Variants in SPATS2 observed in about 807,000 individuals in gnomAD.
The protein encoded by SPATS2 is spermatogenesis-associated serine-rich protein 2.
Under a neutral mutation model 63.7 loss-of-function variants are expected in SPATS2, and 38 were observed. That is an observed-to-expected ratio of 0.60 (90% CI 0.46 to 0.78). The LOEUF (loss-of-function observed/expected upper bound fraction) is 0.78. Ranked by LOEUF, SPATS2 falls within the 30% of genes least tolerant of loss-of-function variation. The pLI, the probability that SPATS2 is intolerant of heterozygous loss-of-function variation, is 0.00. For synonymous variants in SPATS2, 207 were observed against 232.9 expected, an observed-to-expected ratio of 0.89 and a Z score of 1.01; for missense variants, 588 against 666.2, an observed-to-expected ratio of 0.88 and a Z score of 1.29.
chr12:49,470,575 A>G (rs1946017616), intron 3 of SPATS2, among the ~76,000 whole-genome samples: 1 of 152,208 alleles, frequency 6.6e-6, no homozygotes, highest in African/African-American at 2.4e-5. Flanking sequence ...ATAACTTAGG[A>G]GCAGTTCACC....
chr12:49,461,609 A>G (rs1199447149), intron 3 of SPATS2, among the ~76,000 whole-genome samples: 2 of 152,234 alleles, frequency 1.3e-5, no homozygotes, highest in Non-Finnish European at 2.9e-5. Context: ...ACTATTGTAC[A>G]TAATTGGAAT....
At chr12:49,423,833 T>C (rs1945025568) in intron 2 of SPATS2, among the ~76,000 whole-genome samples, 1 of 152,168 alleles carries the variant, frequency 6.6e-6, no homozygotes, top group South Asian at 2.1e-4. Flanking sequence ...AGGGAAGGCA[T>C]TTTAAATATT....
At chr12:49,510,138 C>T (rs1946726403) in intron 9 of SPATS2, among the ~76,000 whole-genome samples, 1 of 151,012 alleles carries the variant, frequency 6.6e-6, no homozygotes, top group Non-Finnish European at 1.5e-5. Context: ...GTAGCACACA[C>T]CTTTAATCCT....
chr12:49,459,493 C>A (rs1340928288), intron 2 of SPATS2, among the ~76,000 whole-genome samples: 2 of 151,942 alleles, frequency 1.3e-5, no homozygotes, highest in African/African-American at 2.4e-5. Flanking sequence ...AGATTACAGG[C>A]ATGCACCACT....
intron 2 of SPATS2, among the ~76,000 whole-genome samples, chr12:49,375,141 A>AGTGTGTGT (rs10601423): frequency 2.5e-4 from 31 of 123,376 alleles, no homozygotes; most frequent in East Asian, 2.0e-3. Context: ...CAAGTTGTGG[A>AGTGTGTGT]GTGTGTGTGT....
At chr12:49,461,929 C>T (rs775146728) in intron 3 of SPATS2, among the ~76,000 whole-genome samples, 3 of 151,992 alleles carry the variant, frequency 2.0e-5, no homozygotes, top group Non-Finnish European at 2.9e-5. Context: ...AATTTACCAA[C>T]GGAAAAGTTT....
Position 49,490,746 on chromosome 12 carries a change from AT to A in SPATS2, c.264+18del. ...GCAAGAAAAAGGTAAAATGAATTAC[AT>A]TTAAAAGCATGATGATGTGTATATT... is the stretch of plus-strand genomic sequence containing the variant. On this transcript the variant is annotated intron_variant, in intron 6 of 13. Coordinates refer to ENST00000552918, the MANE Select transcript of SPATS2 (RefSeq NM_023071.4). 6.2e-7 allele frequency: 1 copy of A among 1,611,772 alleles called. No homozygotes were observed. Among genetic ancestry groups the A allele is most frequent in the Non-Finnish European group, 8.5e-7 (1 of 1,178,360 alleles).
In SPATS2 at chr12:49,526,180, T is replaced by A; in HGVS notation, c.1563T>A (p.Pro521=). 2 of 1,614,048 alleles carry A rather than the reference T, an allele frequency of 1.2e-6. No homozygotes were observed. Among genetic ancestry groups the A allele is most frequent in the Non-Finnish European group, 1.7e-6 (2 of 1,179,992 alleles). ...NGTGVSMEPS[P]PTPSFKKGLP... ...CTGGAGTCAGCATGGAGCCCAGCCC[T>A]CCCACGCCTTCATTCAAAAAGGGGC... Residue 521 remains proline, a synonymous_variant, in exon 14 of 14, where the codon CCT becomes CCA. Coordinates refer to ENST00000552918, the MANE Select transcript of SPATS2 (RefSeq NM_023071.4).
intron 3 of SPATS2, among the ~76,000 whole-genome samples, chr12:49,466,868 A>T (rs1298391484): frequency 1.3e-5 from 2 of 152,180 alleles, no homozygotes; most frequent in Non-Finnish European, 2.9e-5. Flanking sequence ...GCACTGTATC[A>T]GTAGGCCAGT....
chr12:49,393,710 C>G (rs919377414), intron 2 of SPATS2, among the ~76,000 whole-genome samples: 4 of 152,152 alleles, frequency 2.6e-5, no homozygotes, highest in African/African-American at 9.7e-5. Flanking sequence ...TCAGTGGGAA[C>G]CCATTTAATT....
intron 9 of SPATS2, among the ~76,000 whole-genome samples, chr12:49,502,835 C>T (rs1202451270): frequency 6.6e-6 from 1 of 152,192 alleles, no homozygotes; most frequent in Non-Finnish European, 1.5e-5. Context: ...CACATTTCCT[C>T]TTCCATCTAC....
intron 2 of SPATS2, among the ~76,000 whole-genome samples, chr12:49,434,741 G>T (rs1945243865): frequency 6.6e-6 from 1 of 152,134 alleles, no homozygotes; most frequent in Non-Finnish European, 1.5e-5. Context: ...ACTTGAATAT[G>T]GAATCTGGTT....
chr12:49,369,823 T>C (rs747593456), intron 1 of SPATS2, among the ~76,000 whole-genome samples: 2 of 152,342 alleles, frequency 1.3e-5, no homozygotes, highest in African/African-American at 2.4e-5. Flanking sequence ...CTCTTACTTG[T>C]AGAAGTCAAG....
intron 2 of SPATS2, among the ~76,000 whole-genome samples, chr12:49,456,777 A>T (rs138352739): frequency 1.8e-3 from 269 of 152,226 alleles, no homozygotes; most frequent in African/African-American, 6.1e-3. Context: ...TTTAAAGGGA[A>T]ATTTCCTGTT....
chr12:49,442,956 A>G (rs1416293868), intron 2 of SPATS2, among the ~76,000 whole-genome samples: 2 of 151,936 alleles, frequency 1.3e-5, no homozygotes, highest in African/African-American at 4.8e-5. Flanking sequence ...TCCTGTCTCT[A>G]TGAATTTGAC....
Position 49,461,019 on chromosome 12 carries a change from A to G in SPATS2, c.7A>G (p.Arg3Gly), listed in dbSNP as rs769714548. ...TGAGATCGAAGAAACGACAATGTCCAGGAAACAGAACCAGAAGGGTAAGAT... is the reference window on the plus strand; with the variant it reads ...TGAGATCGAAGAAACGACAATGTCCGGGAAACAGAACCAGAAGGGTAAGAT... MS[R>G]KQNQKDSSGF... Residue 3 changes from arginine to glycine, a missense_variant, in exon 3 of 14, where the codon AGG becomes GGG. Coordinates refer to ENST00000552918, the MANE Select transcript of SPATS2 (RefSeq NM_023071.4). 1 of 1,613,976 alleles carries G rather than the reference A, an allele frequency of 6.2e-7. No individual in the cohort carries two copies. Among genetic ancestry groups the G allele is most frequent in the South Asian group, 1.1e-5 (1 of 91,006 alleles).
intron 2 of SPATS2, among the ~76,000 whole-genome samples, chr12:49,416,519 G>A (rs746075997): frequency 4.0e-5 from 6 of 151,448 alleles, no homozygotes; most frequent in East Asian, 1.9e-4. Flanking sequence ...ATGGAGTCTC[G>A]TTCAGTCGCC....
intron 3 of SPATS2, among the ~76,000 whole-genome samples, chr12:49,469,369 AAC>A (rs1402208264): frequency 6.9e-6 from 1 of 145,074 alleles, no homozygotes; most frequent in East Asian, 2.0e-4. Context: ...CATCCTGGGC[AAC>A]AGAGTGAGAC....
intron 2 of SPATS2, among the ~76,000 whole-genome samples, chr12:49,437,843 GGGGAGAGGGAGAGGGAGAGGGAGAGGA>G (rs1393107022): frequency 6.6e-6 from 1 of 151,960 alleles, no homozygotes; most frequent in Non-Finnish European, 1.5e-5. Flanking sequence ...GGGAGACCGT[GGGGAGAGGGAGAGGGAGAGGGAGAGGA>G]GGGAGAGGGA....
Sources: allele counts gnomAD v4.1 joint callset (sites outside exome capture counted in the v4.1 genomes callset), GRCh38; gene constraint gnomAD v4.1.1; transcripts MANE v1.5; gene names NCBI Gene and HGNC (gene_info 2026-07-23, HGNC 2026-07-21).